ZBBX: variants seen among roughly 807,000 people sequenced by gnomAD.
The protein encoded by ZBBX is zinc finger B-box domain containing, also known as zinc finger B-box domain-containing protein 1.
ZBBX carries 101 observed loss-of-function variants against 108.5 expected under a neutral mutation model. That is an observed-to-expected ratio of 0.93 (90% CI 0.79 to 1.10). The LOEUF (loss-of-function observed/expected upper bound fraction) is 1.10, where lower values mean the gene tolerates loss of function less well. Among genes scored for constraint, ZBBX ranks in the 50% least tolerant of loss-of-function variants. ZBBX has a pLI of 0.00. For missense variants in ZBBX, 1,009 were observed against 941.4 expected, an observed-to-expected ratio of 1.07 and a Z score of -0.94; for synonymous variants, 356 against 323.4, an observed-to-expected ratio of 1.10 and a Z score of -1.08.
the ZBBX span, among the ~76,000 whole-genome samples, chr3:167,209,576 C>T: frequency 3.7e-3 from 557 of 152,304 alleles, 1 homozygote; most frequent in Non-Finnish European, 6.2e-3. Flanking sequence ...AGACCCAAGT[C>T]CCTTTGAATA....
At chr3:167,402,876 A>C (rs959250556) in intron 1 of ZBBX, among the ~76,000 whole-genome samples, 2 of 152,174 alleles carry the variant, frequency 1.3e-5, no homozygotes, top group Non-Finnish European at 2.9e-5. Flanking sequence ...ACTTATCCAA[A>C]GTAAAGCATA....
intron 20 of ZBBX, among the ~76,000 whole-genome samples, chr3:167,278,682 C>G (rs1294028118): frequency 6.6e-6 from 1 of 151,518 alleles, no homozygotes; most frequent in Non-Finnish European, 1.5e-5. Flanking sequence ...CAAGGAGGAA[C>G]TGGTACCATT....
At chr3:167,327,631 T>C (rs1207837482) in intron 11 of ZBBX, among the ~76,000 whole-genome samples, 1 of 152,066 alleles carries the variant, frequency 6.6e-6, no homozygotes, top group Non-Finnish European at 1.5e-5. Flanking sequence ...TAAAAAACCA[T>C]ACGGGCTGGG....
intron 18 of ZBBX, among the ~76,000 whole-genome samples, chr3:167,294,135 G>A (rs544285308): frequency 1.3e-5 from 2 of 152,162 alleles, no homozygotes; most frequent in Non-Finnish European, 2.9e-5. Flanking sequence ...GTAATTTATA[G>A]ATTCAATCCT....
chr3:167,283,179 A>C (rs1438583637), intron 19 of ZBBX, among the ~76,000 whole-genome samples: 2 of 152,180 alleles, frequency 1.3e-5, no homozygotes, highest in African/African-American at 4.8e-5. Flanking sequence ...ACCTGTTTTG[A>C]AAGTTGACTT....
At chr3:167,368,765 T>A in intron 4 of ZBBX, 191 bp from the exon 5 acceptor site, 7 of 1,232,502 alleles carry the variant, frequency 5.7e-6, no homozygotes, top group Non-Finnish European at 7.1e-6. Context: ...AAGCAAATTA[T>A]CTCTTCAAAT....
intron 17 of ZBBX, among the ~76,000 whole-genome samples, chr3:167,302,734 C>A (rs541921949): frequency 5.3e-5 from 8 of 152,298 alleles, no homozygotes; most frequent in African/African-American, 1.4e-4. Flanking sequence ...TTATCACTCA[C>A]AACAATAGCA....
intron 19 of ZBBX, among the ~76,000 whole-genome samples, chr3:167,286,967 G>A (rs1729818537): frequency 6.6e-6 from 1 of 151,950 alleles, no homozygotes; most frequent in Admixed American, 6.6e-5. Context: ...TTAGACCATT[G>A]TCTCTGTTCA....
chr3:167,381,220 C>T (rs1046781968), upstream of ZBBX: 2 of 152,070 alleles, frequency 1.3e-5, no homozygotes, highest in African/African-American at 4.8e-5. Context: ...TATAAGATTA[C>T]AACCACTATG....
At chr3:167,206,337 T>A in the ZBBX span, among the ~76,000 whole-genome samples, 1 of 152,098 alleles carries the variant, frequency 6.6e-6, no homozygotes, top group Non-Finnish European at 1.5e-5. Flanking sequence ...CAGAATAATA[T>A]TAATATATAC....
intron 17 of ZBBX, among the ~76,000 whole-genome samples, chr3:167,300,160 C>G (rs1440712138): frequency 6.6e-6 from 1 of 152,040 alleles, no homozygotes; most frequent in Non-Finnish European, 1.5e-5. Flanking sequence ...TGGATTAAAA[C>G]ATTATTTTAT....
At chr3:167,285,063 G>A (rs1426071448) in intron 19 of ZBBX, among the ~76,000 whole-genome samples, 2 of 151,944 alleles carry the variant, frequency 1.3e-5, no homozygotes, top group Non-Finnish European at 2.9e-5. Context: ...GAAATTATTG[G>A]TTAACACTGA....
At chr3:167,404,104 A>C (rs925224844) in intron 1 of ZBBX, among the ~76,000 whole-genome samples, 4 of 152,162 alleles carry the variant, frequency 2.6e-5, no homozygotes, top group Non-Finnish European at 4.4e-5. Context: ...GGTTGAAAGC[A>C]AACTCCTAAT....
the ZBBX span, among the ~76,000 whole-genome samples, chr3:167,187,535 A>G: frequency 5.9e-5 from 9 of 152,176 alleles, no homozygotes; most frequent in Admixed American, 3.9e-4. Flanking sequence ...ATCAAACAAC[A>G]TATTTCTTTT....
At chr3:167,297,660 A>T (rs930820288) in intron 18 of ZBBX, among the ~76,000 whole-genome samples, 2 of 152,038 alleles carry the variant, frequency 1.3e-5, no homozygotes, top group African/African-American at 4.8e-5. Context: ...TCCAGAATAT[A>T]ATAAGGAACT....
intron 20 of ZBBX, among the ~76,000 whole-genome samples, chr3:167,262,314 T>C (rs919979439): frequency 6.6e-6 from 1 of 152,194 alleles, no homozygotes; most frequent in Non-Finnish European, 1.5e-5. Context: ...GGAACTAAAA[T>C]TCACAATGCG....
At chr3:167,322,615 T>C (rs914126901) in intron 11 of ZBBX, among the ~76,000 whole-genome samples, 1 of 152,060 alleles carries the variant, frequency 6.6e-6, no homozygotes, top group Admixed American at 6.6e-5. Flanking sequence ...ATTTACACAT[T>C]ATGAGAAACA....
At chr3:167,255,730 C>T (rs1338895849) in intron 20 of ZBBX, among the ~76,000 whole-genome samples, 1 of 152,016 alleles carries the variant, frequency 6.6e-6, no homozygotes, top group Non-Finnish European at 1.5e-5. Context: ...TTGATACAGG[C>T]ATGCAATGTG....
At chr3:167,233,599 T>C in the ZBBX span, among the ~76,000 whole-genome samples, 2 of 151,786 alleles carry the variant, frequency 1.3e-5, no homozygotes, top group African/African-American at 2.4e-5. Context: ...CCATGGTTCC[T>C]CTTCTGAGAT....
Sources: gnomAD v4.1 joint callset for allele counts (sites outside exome capture counted in the v4.1 genomes callset) on GRCh38, gnomAD v4.1.1 for gene constraint, MANE v1.5 for transcripts, NCBI Gene and HGNC (gene_info 2026-07-23, HGNC 2026-07-21) for gene names.